The following INPP4B variants were observed in gnomAD, a reference collection of about 807,000 sequenced individuals.
The protein encoded by INPP4B is inositol polyphosphate 4-phosphatase type II.
In INPP4B, 55 loss-of-function variants were observed where a neutral mutation model predicts 122.5. The observed-to-expected ratio is 0.45, with a 90% CI of 0.36 to 0.56. INPP4B has a LOEUF of 0.56. Among genes scored for constraint, INPP4B ranks in the 20% least tolerant of loss-of-function variants. The probability of loss-of-function intolerance (pLI) is 0.00; values close to 1 mark genes in which losing one functional copy is unlikely to be tolerated. For synonymous variants in INPP4B, 403 were observed against 388.7 expected, an observed-to-expected ratio of 1.04 and a Z score of -0.43; for missense variants, 1,000 against 1,097.7, an observed-to-expected ratio of 0.91 and a Z score of 1.26.
intron 3 of INPP4B, among the ~76,000 whole-genome samples, chr4:142,452,509 G>A (rs1034037222): frequency 2.6e-5 from 4 of 152,152 alleles, no homozygotes; most frequent in East Asian, 1.9e-4. Context: ...TTTAAAATAC[G>A]GGGGTAAAAT....
intron 18 of INPP4B, among the ~76,000 whole-genome samples, chr4:142,132,333 G>C (rs942335462): frequency 6.6e-6 from 1 of 151,998 alleles, no homozygotes; most frequent in Non-Finnish European, 1.5e-5. Flanking sequence ...AGGCTCTGGA[G>C]CCAGACCACC....
intron 1 of INPP4B, among the ~76,000 whole-genome samples, chr4:142,754,028 T>G (rs564838665): frequency 2.0e-5 from 3 of 152,166 alleles, no homozygotes; most frequent in African/African-American, 7.2e-5. Flanking sequence ...GTGACTGATT[T>G]CCACCTTCAG....
At chr4:142,547,144 T>C (rs1023383144) in intron 2 of INPP4B, among the ~76,000 whole-genome samples, 4 of 151,118 alleles carry the variant, frequency 2.6e-5, no homozygotes, top group African/African-American at 9.7e-5. Context: ...TTTTTTTTTT[T>C]ACTTTCCCAT....
intron 1 of INPP4B, among the ~76,000 whole-genome samples, chr4:142,812,239 T>C (rs909151609): frequency 7.2e-5 from 11 of 152,126 alleles, no homozygotes; most frequent in Non-Finnish European, 1.6e-4. Flanking sequence ...CACACACCCA[T>C]GGTATTTTAG....
chr4:142,037,524 A>G (rs1222717602), intron 25 of INPP4B, among the ~76,000 whole-genome samples: 1 of 152,206 alleles, frequency 6.6e-6, no homozygotes, highest in Admixed American at 6.5e-5. Context: ...CCAAAGGAAA[A>G]TTACCAATTA....
At chr4:142,828,412 C>T (rs1487129244) in intron 1 of INPP4B, among the ~76,000 whole-genome samples, 1 of 151,988 alleles carries the variant, frequency 6.6e-6, no homozygotes. Flanking sequence ...TTGATCTCTA[C>T]CATAGTTCTG....
In INPP4B at chr4:142,418,625, A is replaced by AG. The variant is rs1169868698; in HGVS notation, c.136+10547dup. Among the ~76,000 whole-genome samples the AG allele has an allele frequency of 2.0e-5, 3 of 152,254 alleles. No homozygotes were observed. The Middle Eastern group carries it at 0.01, about 518-fold the overall frequency. On this transcript the variant is annotated intron_variant, in intron 5 of 25. Transcript: ENST00000262992. ...CTAAAACATACCAAGGAACCAGCTA[A>AG]GGGGGGACAATAAGTATGAAGACCC...
intron 2 of INPP4B, among the ~76,000 whole-genome samples, chr4:142,497,845 C>T (rs1034124157): frequency 1.3e-5 from 2 of 152,148 alleles, no homozygotes; most frequent in Non-Finnish European, 2.9e-5. Flanking sequence ...ATTAAGGAGT[C>T]CACCCTCTAC....
chr4:142,516,715 C>G (rs2149895443), intron 2 of INPP4B, among the ~76,000 whole-genome samples: 1 of 152,076 alleles, frequency 6.6e-6, no homozygotes, highest in African/African-American at 2.4e-5. Flanking sequence ...TGGACAGAAT[C>G]AGTTAGAGGT....
chr4:142,441,776 A>G (rs762849272), intron 3 of INPP4B, among the ~76,000 whole-genome samples: 7 of 150,946 alleles, frequency 4.6e-5, no homozygotes, highest in Non-Finnish European at 8.9e-5. Context: ...TACTTAGCTG[A>G]TATTTCTCAA....
At chr4:142,112,705 G>A (rs1228885353) in intron 21 of INPP4B, 23 bp from the exon 22 acceptor site, 1 of 1,588,260 alleles carries the variant, frequency 6.3e-7, no homozygotes, top group South Asian at 1.2e-5. Context: ...GAGGACAAAG[G>A]GAAGAAACAT....
chr4:142,192,762 G>A (rs1343470817), intron 15 of INPP4B, among the ~76,000 whole-genome samples: 1 of 152,130 alleles, frequency 6.6e-6, no homozygotes, highest in Non-Finnish European at 1.5e-5. Flanking sequence ...TGGCTCCACA[G>A]TGAAGTCAGA....
At chr4:142,585,601 A>T (rs957620141) in intron 2 of INPP4B, among the ~76,000 whole-genome samples, 1 of 152,044 alleles carries the variant, frequency 6.6e-6, no homozygotes, top group African/African-American at 2.4e-5. Flanking sequence ...TTCTTGCTCA[A>T]CTGTTGGAGG....
chr4:142,254,751 G>A (rs1357269637), intron 11 of INPP4B, among the ~76,000 whole-genome samples: 1 of 152,144 alleles, frequency 6.6e-6, no homozygotes, highest in Non-Finnish European at 1.5e-5. Context: ...AAGTGACGAG[G>A]AGAATGGAAC....
chr4:142,634,296 C>T (rs2150439773), intron 2 of INPP4B, among the ~76,000 whole-genome samples: 1 of 151,868 alleles, frequency 6.6e-6, no homozygotes, highest in East Asian at 1.9e-4. Flanking sequence ...TGTTTCAGAG[C>T]ACAGGAAAAA....
intron 2 of INPP4B, among the ~76,000 whole-genome samples, chr4:142,555,184 C>G (rs1728873259): frequency 6.6e-6 from 1 of 152,158 alleles, no homozygotes; most frequent in Non-Finnish European, 1.5e-5. Flanking sequence ...GGTTATGAGA[C>G]AGAGTGGGAA....
chr4:142,162,373 AT>A (rs1378156421), intron 16 of INPP4B, among the ~76,000 whole-genome samples: 1 of 151,860 alleles, frequency 6.6e-6, no homozygotes, highest in Non-Finnish European at 1.5e-5. Context: ...CAGTGTAGTC[AT>A]AGCAAAATGA....
At chr4:142,327,401 G>C (rs1035202331) in intron 7 of INPP4B, among the ~76,000 whole-genome samples, 1 of 151,114 alleles carries the variant, frequency 6.6e-6, no homozygotes. Flanking sequence ...CAAATTAATT[G>C]ATTTACATAA....
At chr4:142,315,575 T>G (rs1767274908) in intron 7 of INPP4B, among the ~76,000 whole-genome samples, 1 of 151,944 alleles carries the variant, frequency 6.6e-6, no homozygotes, top group Non-Finnish European at 1.5e-5. Flanking sequence ...CCCCCAGATA[T>G]TCTGCTTCCA....
Sources: gnomAD v4.1 joint callset for allele counts (sites outside exome capture counted in the v4.1 genomes callset) on GRCh38, gnomAD v4.1.1 for gene constraint, MANE v1.5 for transcripts, NCBI Gene and HGNC (gene_info 2026-07-23, HGNC 2026-07-21) for gene names.